SLC4A4: variants seen among roughly 807,000 people sequenced by gnomAD.
The protein encoded by SLC4A4 is electrogenic sodium bicarbonate cotransporter 1.
SLC4A4 carries 27 observed loss-of-function variants against 111.5 expected under a neutral mutation model. The ratio of observed to expected loss-of-function variants is 0.24; its 90% CI spans 0.18 to 0.33. The LOEUF (loss-of-function observed/expected upper bound fraction) is 0.33. Among genes scored for constraint, SLC4A4 ranks in the 10% least tolerant of loss-of-function variants. The pLI, the probability that SLC4A4 is intolerant of heterozygous loss-of-function variation, is 1.00. For synonymous variants in SLC4A4, 443 were observed against 463.4 expected (o/e 0.96, Z 0.57); for missense variants, 909 against 1,315.5 (o/e 0.69, Z 4.78).
chr4:71,143,155 G>C (rs1430077644), intron 2 of SLC4A4, among the ~76,000 whole-genome samples: 2 of 151,736 alleles, frequency 1.3e-5, no homozygotes, highest in Non-Finnish European at 2.9e-5. Flanking sequence ...GTGTCCATGT[G>C]TTTTCATTGT....
intron 2 of SLC4A4, among the ~76,000 whole-genome samples, chr4:71,246,950 A>T (rs1423514517): frequency 6.6e-6 from 1 of 152,090 alleles, no homozygotes; most frequent in East Asian, 1.9e-4. Context: ...CCACTTTAAA[A>T]GTGTGATTAT....
At chr4:71,339,132 GCTGTCCTT>G in intron 3 of SLC4A4, 1 of 1,611,034 alleles carries the variant, frequency 6.2e-7, no homozygotes, top group Non-Finnish European at 8.5e-7. Context: ...GAATTGGAGT[GCTGTCCTT>G]CTGGAGAGTG....
At chr4:71,276,398 A>G (rs1399644923) in intron 3 of SLC4A4, among the ~76,000 whole-genome samples, 8 of 152,194 alleles carry the variant, frequency 5.3e-5, no homozygotes, top group African/African-American at 1.7e-4. Context: ...CAAGACACAG[A>G]AGAGCTCCAT....
chr4:71,193,228 C>T (rs1437566935), intron 1 of SLC4A4, among the ~76,000 whole-genome samples: 2 of 152,156 alleles, frequency 1.3e-5, no homozygotes, highest in Admixed American at 6.6e-5. Context: ...GGCCGGATCT[C>T]GGCTCACTGC....
intron 1 of SLC4A4, among the ~76,000 whole-genome samples, chr4:71,229,525 T>C (rs1719267628): frequency 1.3e-5 from 2 of 152,170 alleles, no homozygotes; most frequent in South Asian, 4.1e-4. Context: ...CTCAGTCTGA[T>C]TTTGTGTGGG....
chr4:71,187,870 C>G (rs1354399193), intron 1 of SLC4A4, among the ~76,000 whole-genome samples: 1 of 152,162 alleles, frequency 6.6e-6, no homozygotes, highest in Non-Finnish European at 1.5e-5. Flanking sequence ...GAGGCCGCGG[C>G]CCCCACTTCA....
chr4:71,379,412 G>A (rs1212132210), intron 6 of SLC4A4, among the ~76,000 whole-genome samples: 1 of 152,032 alleles, frequency 6.6e-6, no homozygotes, highest in African/African-American at 2.4e-5. Flanking sequence ...TATTCATGCT[G>A]TTCCAATTGC....
At chr4:71,333,459 A>G (rs1417133668) in intron 3 of SLC4A4, among the ~76,000 whole-genome samples, 2 of 152,166 alleles carry the variant, frequency 1.3e-5, no homozygotes, top group African/African-American at 2.4e-5. Context: ...GGTCATTACT[A>G]CTGGGATTAT....
At chr4:71,391,452 A>C (rs1297486011) in intron 6 of SLC4A4, among the ~76,000 whole-genome samples, 1 of 152,072 alleles carries the variant, frequency 6.6e-6, no homozygotes, top group African/African-American at 2.4e-5. Flanking sequence ...TTTTTATTGT[A>C]ACTAATAGTT....
intron 3 of SLC4A4, among the ~76,000 whole-genome samples, chr4:71,296,531 T>TG (rs1724806281): frequency 6.6e-6 from 1 of 152,262 alleles, no homozygotes; most frequent in African/African-American, 2.4e-5. Context: ...GTGTATTTTT[T>TG]TGGGGGGGAA....
rs920926603 is a variant in SLC4A4, at chr4:71,167,230, G to A, written c.-1-69346G>A. On this transcript the variant is annotated intron_variant, in intron 2 of 26. Coordinates refer to the SLC4A4 transcript ENST00000649996. ...TAACCAGACTACCTACAGAGAGGTG[G>A]CTTCTCCATGTGGCCACTCCAACTA... Among the ~76,000 whole-genome samples, 5 of 152,122 alleles carry A rather than the reference G, an allele frequency of 3.3e-5. No individual in the cohort carries two copies. In the South Asian group the frequency reaches 8.3e-4, roughly 25 times the overall value.
chr4:71,208,267 A>G (rs1326195972), intron 1 of SLC4A4, among the ~76,000 whole-genome samples: 3 of 151,996 alleles, frequency 2.0e-5, no homozygotes, highest in Non-Finnish European at 1.5e-5. Context: ...CATCTCTACT[A>G]AAAATACAAA....
chr4:71,187,505 C>A (rs1042099650), intron 1 of SLC4A4, 104 bp downstream of exon 1: 5 of 152,396 alleles, frequency 3.3e-5, no homozygotes, highest in African/African-American at 1.2e-4. Flanking sequence ...GGCGCGCAGG[C>A]GGCCTCAGCG....
At chr4:71,155,530 A>G (rs185010392) in intron 2 of SLC4A4, among the ~76,000 whole-genome samples, 2 of 152,154 alleles carry the variant, frequency 1.3e-5, no homozygotes, top group East Asian at 3.9e-4. Context: ...TGGCACCATT[A>G]TAGCTCACTG....
chr4:71,295,752 G>A (rs1360691981), intron 3 of SLC4A4, among the ~76,000 whole-genome samples: 1 of 151,304 alleles, frequency 6.6e-6, no homozygotes, highest in Non-Finnish European at 1.5e-5. Context: ...TCTGCCTTCT[G>A]GGCTCAAGTG....
intron 6 of SLC4A4, among the ~76,000 whole-genome samples, chr4:71,383,511 T>C (rs1200144259): frequency 3.3e-5 from 5 of 152,192 alleles, no homozygotes; most frequent in Non-Finnish European, 7.3e-5. Context: ...AACCTCTCAG[T>C]TCTCTGAACT....
intron 16 of SLC4A4, among the ~76,000 whole-genome samples, chr4:71,521,558 G>T (rs1732936006): frequency 6.6e-6 from 1 of 152,046 alleles, no homozygotes. Flanking sequence ...AGTCATATTT[G>T]GTGTATGAGT....
intron 3 of SLC4A4, among the ~76,000 whole-genome samples, chr4:71,328,545 T>C (rs758502834): frequency 6.6e-5 from 10 of 152,142 alleles, no homozygotes; most frequent in Non-Finnish European, 1.5e-4. Context: ...TCATTGTAGT[T>C]TTGATTTGCA....
At chr4:71,430,029 T>C (rs1666544319) in intron 7 of SLC4A4, among the ~76,000 whole-genome samples, 1 of 152,108 alleles carries the variant, frequency 6.6e-6, no homozygotes, top group African/African-American at 2.4e-5. Flanking sequence ...CTTTATGAGA[T>C]GTTATTGTAC....
Sources: allele counts gnomAD v4.1 joint callset (sites outside exome capture counted in the v4.1 genomes callset), GRCh38; gene constraint gnomAD v4.1.1; transcripts MANE v1.5; gene names NCBI Gene and HGNC (gene_info 2026-07-23, HGNC 2026-07-21).